Variants in PARP8 observed in about 807,000 individuals in gnomAD.
PARP8 encodes the protein poly(ADP-ribose) polymerase family member 8.
PARP8 carries 51 observed loss-of-function variants against 124.1 expected under a neutral mutation model. The ratio of observed to expected loss-of-function variants is 0.41; its 90% CI spans 0.33 to 0.52. PARP8 has a LOEUF of 0.52. Ranked by LOEUF, PARP8 falls within the 20% of genes least tolerant of loss-of-function variation. The pLI, the probability that PARP8 is intolerant of heterozygous loss-of-function variation, is 0.21. For synonymous variants in PARP8, 391 were observed against 361.5 expected, an observed-to-expected ratio of 1.08 and a Z score of -0.93; for missense variants, 860 against 1,018.9, an observed-to-expected ratio of 0.84 and a Z score of 2.12.
At chr5:50,799,900 A>G (rs1273866235) in intron 14 of PARP8, among the ~76,000 whole-genome samples, 2 of 152,212 alleles carry the variant, frequency 1.3e-5, no homozygotes, top group African/African-American at 4.8e-5. Flanking sequence ...GAATCAGCAG[A>G]TGGGCCCTCA....
chr5:50,769,317 G>A (rs116512771), intron 7 of PARP8, among the ~76,000 whole-genome samples: 1,542 of 150,158 alleles, frequency 0.01, 31 homozygotes, highest in African/African-American at 0.035. Context: ...ACGTACCAGC[G>A]TTTTGCCAAT....
At position 50,821,317 on chromosome 5, in the gene PARP8, G is replaced by C; in HGVS notation, c.1773G>C (p.Gln591His). 6.2e-7 allele frequency: 1 copy of C among 1,614,076 alleles called. No individual in the cohort carries two copies. Among genetic ancestry groups the C allele is most frequent in the South Asian group, 1.1e-5 (1 of 91,080 alleles). ...CTGTGGTAGATCCTAATGATCCTCA[G>C]ATGTTGGCCTTCAACCCCAGGGTAA... ...YPSVVDPNDP[Q>H]MLAFNPRKKN... The change falls in exon 16 of 26, where the codon CAG becomes CAC. Residue 591 changes from glutamine to histidine, a missense_variant. This residue lies in a region of PARP8 where 343 missense variants were observed against 474.7 expected (regional missense o/e 0.72). Coordinates refer to ENST00000281631, the MANE Select transcript of PARP8 (RefSeq NM_024615.4).
chr5:50,830,924 G>A (rs1221556122), intron 22 of PARP8, among the ~76,000 whole-genome samples: 1 of 152,004 alleles, frequency 6.6e-6, no homozygotes, highest in African/African-American at 2.4e-5. Context: ...ATATCCTCAT[G>A]TTATAGGAAA....
chr5:50,693,696 T>C (rs1427498610), intron 2 of PARP8, among the ~76,000 whole-genome samples: 2 of 151,542 alleles, frequency 1.3e-5, no homozygotes, highest in East Asian at 1.9e-4. Flanking sequence ...TTATGTAAAT[T>C]AATCATTTGA....
Position 50,821,253 on chromosome 5 carries a change from A to C in PARP8, c.1709A>C (p.Glu570Ala). ...GTATCCATGTGTAGGTCTGCGTTGG[A>C]ATCTCCTAGAAAAGTTGTGATTTTC... Reference protein sequence around the residue: ...LLVSMCRSALESPRKVVIFEP... With the variant: ...LLVSMCRSALASPRKVVIFEP... Residue 570 changes from glutamate (E) to alanine (A), a missense_variant, in exon 16 of 26, where the codon GAA (glutamate) becomes GCA (alanine). By Grantham distance (107) the Glu-to-Ala change is moderately radical. Transcript: ENST00000281631. 6.2e-7 allele frequency: 1 copy of C among 1,612,216 alleles called. No homozygotes were observed.
chr5:50,788,431 C>T (rs1234374870), intron 9 of PARP8, 92 bp from the exon 10 acceptor site: 5 of 1,069,322 alleles, frequency 4.7e-6, no homozygotes, highest in Non-Finnish European at 7.1e-6. Flanking sequence ...TATGTATATG[C>T]ACATATATAA....
In PARP8 at chr5:50,814,866, A is replaced by G. The variant is rs1744913460; in HGVS notation, c.1576-566A>G. 2.0e-5 allele frequency among the ~76,000 whole-genome samples: 3 copies of G among 152,198 alleles called. No individual in the cohort carries two copies. The South Asian group carries it at 6.2e-4, about 31-fold the overall frequency. On this transcript the variant is annotated intron_variant, in intron 14 of 25. Coordinates refer to ENST00000281631, the MANE Select transcript of PARP8 (RefSeq NM_024615.4). ...CTCTTCCAAAGTAATTGCAGAGTGT[A>G]TATTTCAGTGCTGTTGACTTCATGA...
At chr5:50,745,014 T>G (rs1297193059) in intron 2 of PARP8, 1 of 437,778 alleles carries the variant, frequency 2.3e-6, no homozygotes. Context: ...TTGTACTAGA[T>G]TGTTTCCCTT....
rs1173223722 is a variant in PARP8, at chr5:50,846,266, A to G, written c.*4198A>G. ...CAGCCTCTTTACAATAAATTTCTTG[A>G]TTTTTGTGCACAGGATAGTATTGCA... On this transcript the variant is annotated 3_prime_UTR_variant, in exon 26 of 26. Coordinates refer to ENST00000281631, the MANE Select transcript of PARP8 (RefSeq NM_024615.4). 6.6e-6 allele frequency: 1 copy of G among 151,586 alleles called. No homozygotes were observed. Among genetic ancestry groups the G allele is most frequent in the African/African-American group, 2.4e-5 (1 of 41,376 alleles). 9.4% of individuals were successfully genotyped at this position (151,586 alleles called of 1,614,324 possible).
chr5:50,741,348 G>T (rs780483964), intron 2 of PARP8, among the ~76,000 whole-genome samples: 6 of 152,150 alleles, frequency 3.9e-5, no homozygotes, highest in Non-Finnish European at 7.4e-5. Flanking sequence ...AAGAAAAAGA[G>T]AGAAGCACAG....
chr5:50,715,686 T>TA (rs1037069924), intron 2 of PARP8, among the ~76,000 whole-genome samples: 2 of 152,100 alleles, frequency 1.3e-5, no homozygotes, highest in African/African-American at 4.8e-5. Context: ...TGAGAGAATA[T>TA]AAAAAACTTT....
intron 2 of PARP8, among the ~76,000 whole-genome samples, chr5:50,713,609 T>G (rs1016330023): frequency 2.0e-5 from 3 of 151,992 alleles, no homozygotes; most frequent in African/African-American, 7.3e-5. Context: ...GTAGACAGAA[T>G]AATGGCCACC....
chr5:50,758,130 G>C (rs1217736678), intron 3 of PARP8, among the ~76,000 whole-genome samples: 4 of 152,022 alleles, frequency 2.6e-5, no homozygotes, highest in Non-Finnish European at 5.9e-5. Context: ...TGAGGTTACT[G>C]GCAGAAGAGA....
rs931545770 is a variant in PARP8 at position 50,839,520 on chromosome 5, A to G, written c.2463-2446A>G. On this transcript the variant is annotated intron_variant, in intron 25 of 25. Transcript: ENST00000281631. Reference sequence around the variant, plus strand: ...ATGTTTGATTTTTCTTGATTATTATATATGCATCAAATTTAAAACACCTGA... The same window carrying G: ...ATGTTTGATTTTTCTTGATTATTATGTATGCATCAAATTTAAAACACCTGA... Among the ~76,000 whole-genome samples, 36 of 152,026 alleles carry G rather than the reference A, an allele frequency of 2.4e-4. 1 individual carries two copies. The highest frequency in any genetic ancestry group is 2.1e-3 in the Admixed American group (32 of 15,212).
Position 50,830,015 on chromosome 5 carries a change from A to C in PARP8, c.2233+54A>C, listed in dbSNP as rs1200851286. ...ACATTTATTAGGTTTTAATTTTCTT[A>C]TTGTTTATACTCTATTCACAGCTTT... On this transcript the variant is annotated intron_variant, in intron 22 of 25. Coordinates refer to ENST00000281631, the MANE Select transcript of PARP8 (RefSeq NM_024615.4). The C allele has an allele frequency of 4.4e-6, 7 of 1,582,542 alleles. No homozygotes were observed. In the Admixed American group the frequency reaches 1.0e-4, roughly 23 times the overall value.
intron 25 of PARP8, among the ~76,000 whole-genome samples, 180 bp from the exon 26 acceptor site, chr5:50,841,786 A>C (rs1748212356): frequency 6.6e-6 from 1 of 151,786 alleles, no homozygotes; most frequent in Non-Finnish European, 1.5e-5. Flanking sequence ...GGCATGACAT[A>C]GAATGGGCTG....
chr5:50,720,587 A>G lies in PARP8; in HGVS notation c.147-29564A>G, dbSNP rs531633437. ...GTGGCAGAATACTTTTGTTTGTACC[A>G]TACTGGGCAGAACTTAATTATATCA... is the stretch of plus-strand genomic sequence containing the variant. On this transcript the variant is annotated intron_variant, in intron 2 of 25. Transcript: ENST00000281631. Among the ~76,000 whole-genome samples, 10 of 152,174 alleles carry G rather than the reference A, an allele frequency of 6.6e-5. No homozygotes were observed. The South Asian group carries it at 1.9e-3, about 28-fold the overall frequency.
intron 2 of PARP8, among the ~76,000 whole-genome samples, chr5:50,693,789 G>A (rs1214554465): frequency 6.6e-6 from 1 of 151,060 alleles, no homozygotes; most frequent in Non-Finnish European, 1.5e-5. Context: ...ATATGATTGA[G>A]TTATGTGGAT....
Position 50,666,974 on chromosome 5 carries a change from C to T in PARP8, c.-122C>T, listed in dbSNP as rs188943275. 4.7e-5 allele frequency: 72 copies of T among 1,523,302 alleles called. No individual in the cohort carries two copies. In the African/African-American group the frequency reaches 8.9e-4, roughly 19 times the overall value. 94.4% of individuals were successfully genotyped at this position (1,523,302 alleles called of 1,614,324 possible). A position where few individuals can be genotyped will look rare whatever the true frequency, so the allele number is the denominator to read the frequency against. On this transcript the variant is annotated 5_prime_UTR_variant, in exon 1 of 26. Coordinates refer to ENST00000281631, the MANE Select transcript of PARP8 (RefSeq NM_024615.4). ...AGGATCACTTCCGAAACCACTTCGC[C>T]TTCAGCCCCTGCCTCGGCCAGAGGT...
Sources: gnomAD v4.1 joint callset for allele counts (sites outside exome capture counted in the v4.1 genomes callset) on GRCh38, gnomAD v4.1.1 for gene constraint, gnomAD v4.1.1 regional missense constraint, MANE v1.5 for transcripts, NCBI Gene and HGNC (gene_info 2026-07-23, HGNC 2026-07-21) for gene names.